ALCAM: variants seen among roughly 807,000 people sequenced by gnomAD.
ALCAM encodes the protein CD166 antigen.
ALCAM carries 30 observed loss-of-function variants against 70.9 expected under a neutral mutation model. That is an observed-to-expected ratio of 0.42 (90% CI 0.32 to 0.57). ALCAM has a LOEUF of 0.57. Among genes scored for constraint, ALCAM ranks in the 20% least tolerant of loss-of-function variants. The pLI, the probability that ALCAM is intolerant of heterozygous loss-of-function variation, is 0.11. For missense variants in ALCAM, 591 were observed against 695.1 expected, an observed-to-expected ratio of 0.85 and a Z score of 1.68; for synonymous variants, 249 against 242.5, an observed-to-expected ratio of 1.03 and a Z score of -0.25.
chr3:105,544,256 A>ATC (rs1940190723), intron 8 of ALCAM, among the ~76,000 whole-genome samples: 1 of 151,562 alleles, frequency 6.6e-6, no homozygotes, highest in African/African-American at 2.4e-5. Flanking sequence ...AAGCTTTCTC[A>ATC]TCTCTTCGCC....
rs543628934 is a variant in ALCAM, at chr3:105,502,342, C to T, written c.74-17725C>T. Among the ~76,000 whole-genome samples the T allele has an allele frequency of 1.9e-3, 284 of 152,144 alleles. 1 individual carries two copies. The highest frequency in any genetic ancestry group is 6.6e-3 in the African/African-American group (272 of 41,510). ...TATGTAGAATTTTTTTTAAAAAATT[C>T]TTATCATCTACTACCTAACATTAGT... On this transcript the variant is annotated intron_variant, in intron 1 of 15. Coordinates refer to ENST00000306107, the MANE Select transcript of ALCAM (RefSeq NM_001627.4).
intron 8 of ALCAM, among the ~76,000 whole-genome samples, chr3:105,542,699 A>T (rs946174320): frequency 6.6e-6 from 1 of 151,818 alleles, no homozygotes; most frequent in Non-Finnish European, 1.5e-5. Context: ...GACTCATAAT[A>T]CTTTAAAAAC....
intron 1 of ALCAM, among the ~76,000 whole-genome samples, chr3:105,474,930 A>G (rs1313347969): frequency 6.6e-6 from 1 of 151,756 alleles, no homozygotes; most frequent in African/African-American, 2.4e-5. Flanking sequence ...TGTGTAAAAA[A>G]AAAATGAATA....
intron 1 of ALCAM, 66 bp from the exon 2 acceptor site, chr3:105,520,001 A>G: frequency 9.6e-7 from 1 of 1,045,654 alleles, no homozygotes; most frequent in Non-Finnish European, 1.4e-6. Context: ...TGTCATTTCA[A>G]GAAAGCATTT....
chr3:105,514,570 CTTA>C (rs1939330130), intron 1 of ALCAM, among the ~76,000 whole-genome samples: 1 of 151,832 alleles, frequency 6.6e-6, no homozygotes, highest in Admixed American at 6.6e-5. Flanking sequence ...ATTATATTGG[CTTA>C]TTGTTTAATA....
intron 1 of ALCAM, among the ~76,000 whole-genome samples, chr3:105,373,337 G>T (rs992249142): frequency 2.6e-5 from 4 of 152,102 alleles, no homozygotes; most frequent in Admixed American, 2.6e-4. Context: ...TTATTATGAT[G>T]ATTTCACTAG....
intron 3 of ALCAM, chr3:105,525,025 A>G (rs1392017086): frequency 2.2e-6 from 2 of 889,828 alleles, no homozygotes; most frequent in Non-Finnish European, 2.7e-6. Flanking sequence ...TATCCCATAT[A>G]TATCCACATA....
chr3:105,493,631 A>G (rs374592030), intron 1 of ALCAM, among the ~76,000 whole-genome samples: 170 of 152,340 alleles, frequency 1.1e-3, no homozygotes, highest in African/African-American at 4.0e-3. Context: ...GAACACATGC[A>G]GCTTCTGGAA....
chr3:105,439,602 G>A (rs1487862702), intron 1 of ALCAM: 3 of 152,196 alleles, frequency 2.0e-5, no homozygotes, highest in Admixed American at 1.3e-4. Flanking sequence ...TTGGGTATGT[G>A]AATAATCGGG....
chr3:105,446,172 G>T lies in ALCAM; in HGVS notation c.74-73895G>T, dbSNP rs1937291890. On this transcript the variant is annotated intron_variant, in intron 1 of 15. Coordinates refer to ENST00000306107, the MANE Select transcript of ALCAM (RefSeq NM_001627.4). ...ATTTAAAAATATGCAAAACACCTGAGTAGATATTTCTCAAAAGAAGATAAA... is the reference window on the plus strand; with the variant it reads ...ATTTAAAAATATGCAAAACACCTGATTAGATATTTCTCAAAAGAAGATAAA... 2.0e-5 allele frequency among the ~76,000 whole-genome samples: 3 copies of T among 152,014 alleles called. No individual in the cohort carries two copies. The South Asian group carries it at 6.2e-4, about 32-fold the overall frequency.
intron 1 of ALCAM, among the ~76,000 whole-genome samples, chr3:105,513,046 A>AT (rs1313264532): frequency 1.3e-5 from 2 of 151,852 alleles, no homozygotes; most frequent in African/African-American, 4.8e-5. Context: ...CAAAATCTAG[A>AT]TTTTTTTGGT....
At chr3:105,437,825 A>G (rs1277344836) in intron 1 of ALCAM, among the ~76,000 whole-genome samples, 4 of 152,136 alleles carry the variant, frequency 2.6e-5, no homozygotes, top group African/African-American at 9.6e-5. Context: ...TATTCTATAC[A>G]AATTAGAAGC....
At chr3:105,559,505 T>C (rs1940589283) in intron 14 of ALCAM, among the ~76,000 whole-genome samples, 1 of 152,030 alleles carries the variant, frequency 6.6e-6, no homozygotes, top group Non-Finnish European at 1.5e-5. Flanking sequence ...CTTCACATGA[T>C]GGCAGGAGGC....
intron 1 of ALCAM, among the ~76,000 whole-genome samples, chr3:105,395,011 G>A (rs759006602): frequency 1.1e-4 from 16 of 151,942 alleles, no homozygotes; most frequent in South Asian, 2.1e-4. Context: ...TGTATTTCAC[G>A]GAGTAATTTC....
At position 105,486,390 on chromosome 3, in the gene ALCAM, C is replaced by G. The variant is rs76329064; in HGVS notation, c.74-33677C>G. ...ATAAATTGCTGCTCTCTGAATAAGACTATTGTACCAGTTTATAAGGCTTGA... is the reference window on the plus strand; with the variant it reads ...ATAAATTGCTGCTCTCTGAATAAGAGTATTGTACCAGTTTATAAGGCTTGA... On this transcript the variant is annotated intron_variant, in intron 1 of 15. Coordinates refer to ENST00000306107, the MANE Select transcript of ALCAM (RefSeq NM_001627.4). Among the ~76,000 whole-genome samples, 474 of 152,222 alleles carry G rather than the reference C, an allele frequency of 3.1e-3. 3 individuals carry two copies. Among genetic ancestry groups the G allele is most frequent in the African/African-American group, 0.011 (446 of 41,552 alleles).
chr3:105,543,130 A>G (rs193256042), intron 8 of ALCAM, among the ~76,000 whole-genome samples: 99 of 151,818 alleles, frequency 6.5e-4, no homozygotes, highest in African/African-American at 2.3e-3. Context: ...TTTTTAAGAG[A>G]TGCAAGGTAC....
intron 1 of ALCAM, among the ~76,000 whole-genome samples, chr3:105,423,791 T>C (rs1936726790): frequency 6.6e-6 from 1 of 151,626 alleles, no homozygotes; most frequent in Non-Finnish European, 1.5e-5. Flanking sequence ...ACTCTTGAGC[T>C]TGTAGTTGAA....
intron 14 of ALCAM, among the ~76,000 whole-genome samples, chr3:105,565,759 T>C (rs548393726): frequency 6.6e-6 from 1 of 152,346 alleles, no homozygotes; most frequent in Admixed American, 6.5e-5. Context: ...TTTTTGGAGC[T>C]TGGTTTTAAA....
intron 11 of ALCAM, among the ~76,000 whole-genome samples, chr3:105,548,961 G>A (rs553700699): frequency 5.3e-5 from 8 of 151,434 alleles, no homozygotes; most frequent in Non-Finnish European, 1.2e-4. Flanking sequence ...TAAGCAGACA[G>A]TAAGTTTTTG....
Sources: allele counts gnomAD v4.1 joint callset (sites outside exome capture counted in the v4.1 genomes callset), GRCh38; gene constraint gnomAD v4.1.1; transcripts MANE v1.5; gene names NCBI Gene and HGNC (gene_info 2026-07-23, HGNC 2026-07-21).